The following USP24 variants were observed in gnomAD, a reference collection of about 807,000 sequenced individuals.
USP24 encodes ubiquitin carboxyl-terminal hydrolase 24.
Under a neutral mutation model 361.6 loss-of-function variants are expected in USP24, and 97 were observed. The observed-to-expected ratio is 0.27, with a 90% confidence interval of 0.23 to 0.32. The LOEUF is 0.32. Among genes scored for constraint, USP24 ranks in the 10% least tolerant of loss-of-function variants. USP24 has a pLI of 1.00. For missense variants in USP24, 2,353 were observed against 3,165.6 expected (o/e 0.74, Z 6.16); for synonymous variants, 1,098 against 1,124.6 (o/e 0.98, Z 0.47).
chr1:55,087,635 A>G (rs1386312637), intron 55 of USP24, among the ~76,000 whole-genome samples: 1 of 152,222 alleles, frequency 6.6e-6, no homozygotes, highest in Admixed American at 6.5e-5. Context: ...TATGAATTAT[A>G]TGGATATATG....
At chr1:55,170,359 T>C (rs892306237) in intron 5 of USP24, among the ~76,000 whole-genome samples, 1 of 151,986 alleles carries the variant, frequency 6.6e-6, no homozygotes, top group African/African-American at 2.4e-5. Flanking sequence ...AAAAAGAGAA[T>C]GAACATCTGC....
intron 32 of USP24, among the ~76,000 whole-genome samples, chr1:55,127,559 T>C (rs1419077583): frequency 6.6e-6 from 1 of 152,190 alleles, no homozygotes; most frequent in Non-Finnish European, 1.5e-5. Flanking sequence ...GCAGCATGAT[T>C]TATAGTCCTT....
Position 55,068,231 on chromosome 1 carries a change from G to A in USP24, c.*814C>T, listed in dbSNP as rs1644855125. 6.6e-6 allele frequency: 1 copy of A among 152,188 alleles called. No homozygotes were observed. 9.4% of individuals were successfully genotyped at this position (152,188 alleles called of 1,614,324 possible). ...AAACTCAGTAAAATTATATCTTAAA[G>A]TGCTTTTATTTTGCTGTTTTTAAAA... On this transcript the variant is annotated 3_prime_UTR_variant, in exon 68 of 68. Transcript: ENST00000294383.
chr1:55,182,150 C>T (rs564310051), intron 1 of USP24, among the ~76,000 whole-genome samples: 1 of 152,336 alleles, frequency 6.6e-6, no homozygotes, highest in African/African-American at 2.4e-5. Context: ...TTCCCGGGTT[C>T]AAGCGATTCT....
Position 55,069,078 on chromosome 1 carries a change from C to T in USP24, c.7830G>A (p.Glu2610=). 3 of 1,613,982 alleles carry T rather than the reference C, an allele frequency of 1.9e-6. No homozygotes were observed. The highest frequency in any genetic ancestry group is 2.5e-6 in the Non-Finnish European group (3 of 1,179,904). ...QGSESPMMIG[E]LRSDLDDVDP ...CAACATCATCAAGGTCACTTCTCAA[C>T]TCACCAATCATCATGGGAGATTCTG... The change falls in exon 68 of 68, where the codon GAG becomes GAA. Residue 2610 remains glutamate, a synonymous_variant. Transcript: ENST00000294383.
At chr1:55,107,160 AT>A in intron 40 of USP24, 78 bp downstream of exon 40, 1 of 1,470,646 alleles carries the variant, frequency 6.8e-7, no homozygotes, top group Non-Finnish European at 9.1e-7. Flanking sequence ...CATCTATCTT[AT>A]TTTCCCACTT....
intron 1 of USP24, among the ~76,000 whole-genome samples, chr1:55,207,881 G>A (rs1644752292): frequency 6.6e-6 from 1 of 152,202 alleles, no homozygotes. Flanking sequence ...AGCAAATTGT[G>A]TGCTGGAACA....
At chr1:55,121,597 C>A in intron 36 of USP24, 91 bp from the exon 37 acceptor site, 5 of 1,024,298 alleles carry the variant, frequency 4.9e-6, no homozygotes, top group Non-Finnish European at 7.3e-6. Context: ...TCAACTTAAG[C>A]ATAAGCTCTT....
chr1:55,126,940 A>C (rs1423997165), intron 32 of USP24, among the ~76,000 whole-genome samples: 1 of 152,024 alleles, frequency 6.6e-6, no homozygotes, highest in African/African-American at 2.4e-5. Flanking sequence ...GTACAAGTTG[A>C]CCCCATCATT....
chr1:55,083,841 G>T lies in USP24; in HGVS notation c.6813C>A (p.Asp2271Glu), dbSNP rs1329215019. The T allele has an allele frequency of 3.1e-6, 5 of 1,605,340 alleles. No homozygotes were observed. In the Admixed American group the frequency reaches 5.1e-5, roughly 16 times the overall value. The change falls in exon 57 of 68, where the codon GAC becomes GAA. Residue 2271 changes from aspartate to glutamate, a missense_variant. Physicochemically the swap from Asp to Glu is conservative, Grantham distance 45. Around this residue, in one of 8 missense-constraint regions of USP24, gnomAD observed 598 missense variants for 761.9 expected, o/e 0.78. Transcript: ENST00000294383. ...TTTTACAATTTTCTGGGACGTCTTT[G>T]TCCAACAGAGCAAGTAGTACCTCCA... is the stretch of plus-strand genomic sequence containing the variant. ...QLLEVLLALL[D>E]KDVPENCKNC...
intron 1 of USP24, among the ~76,000 whole-genome samples, chr1:55,190,164 CAAAAAAAAAA>C (rs397696116): frequency 5.1e-5 from 4 of 78,740 alleles, no homozygotes; most frequent in African/African-American, 1.7e-4. Flanking sequence ...GACTCCATCT[CAAAAAAAAAA>C]AAAAAAAAAA....
intron 39 of USP24, among the ~76,000 whole-genome samples, chr1:55,109,268 C>T (rs528786497): frequency 5.9e-5 from 9 of 152,352 alleles, no homozygotes; most frequent in Non-Finnish European, 1.0e-4. Flanking sequence ...TAAGCCACTG[C>T]GCCTGGCCAC....
At chr1:55,144,762 C>G (rs913065958) in intron 20 of USP24, among the ~76,000 whole-genome samples, 1 of 152,084 alleles carries the variant, frequency 6.6e-6, no homozygotes, top group Admixed American at 6.6e-5. Flanking sequence ...TGGTGAAACC[C>G]TGTCTCTACT....
rs571084806 is a variant in USP24 at position 55,192,234 on chromosome 1, T to C, written c.325-14102A>G. Among the ~76,000 whole-genome samples, 3 of 152,320 alleles carry C rather than the reference T, an allele frequency of 2.0e-5. No individual in the cohort carries two copies. In the East Asian group the frequency reaches 5.8e-4, roughly 29 times the overall value. The stretch of plus-strand genomic sequence containing the variant: ...TGAACCCAACAAGGATACATTACTG[T>C]AATTTAAGCCTTCTTTGTTGAAAGA... On this transcript the variant is annotated intron_variant, in intron 1 of 67. Transcript: ENST00000294383.
At chr1:55,089,804 G>T in intron 54 of USP24, 64 bp from the exon 55 acceptor site, 1 of 1,128,270 alleles carries the variant, frequency 8.9e-7, no homozygotes, top group Non-Finnish European at 1.3e-6. Context: ...CTCATGCAGT[G>T]CACTCTTGTT....
intron 1 of USP24, among the ~76,000 whole-genome samples, chr1:55,182,209 G>A (rs1333056740): frequency 6.6e-6 from 1 of 152,086 alleles, no homozygotes; most frequent in African/African-American, 2.4e-5. Context: ...GTGCCACCAC[G>A]CCCGGCTAAT....
intron 1 of USP24, among the ~76,000 whole-genome samples, chr1:55,200,510 C>T (rs1283419382): frequency 3.9e-5 from 6 of 152,128 alleles, no homozygotes; most frequent in Non-Finnish European, 7.4e-5. Context: ...TTCTTTCCTC[C>T]TCCTACTCCC....
At chr1:55,107,591 C>T (rs1645811266) in intron 39 of USP24, among the ~76,000 whole-genome samples, 161 bp from the exon 40 acceptor site, 1 of 152,088 alleles carries the variant, frequency 6.6e-6, no homozygotes, top group South Asian at 2.1e-4. Flanking sequence ...CATCTGTAAT[C>T]CCAGCACTTT....
chr1:55,146,876 G>C, intron 19 of USP24, 53 bp downstream of exon 19: 5 of 1,595,664 alleles, frequency 3.1e-6, no homozygotes, highest in Non-Finnish European at 4.3e-6. Flanking sequence ...CACAGAAAAA[G>C]TGAAATATTT....
Sources: allele counts gnomAD v4.1 joint callset (sites outside exome capture counted in the v4.1 genomes callset), GRCh38; gene constraint gnomAD v4.1.1; regional missense constraint gnomAD v4.1.1; transcripts MANE v1.5; gene names NCBI Gene and HGNC (gene_info 2026-07-23, HGNC 2026-07-21).